PIKFYVE: variants seen among roughly 807,000 people sequenced by gnomAD.
PIKFYVE encodes the protein 1-phosphatidylinositol 3-phosphate 5-kinase.
Under a neutral mutation model 257.9 loss-of-function variants are expected in PIKFYVE, and 122 were observed. That is an observed-to-expected ratio of 0.47 (90% CI 0.41 to 0.55). PIKFYVE has a LOEUF of 0.55. Ranked by LOEUF, PIKFYVE falls within the 20% of genes least tolerant of loss-of-function variation. The probability of loss-of-function intolerance (pLI) is 0.00; values close to 1 mark genes in which losing one functional copy is unlikely to be tolerated. For synonymous variants in PIKFYVE, 892 were observed against 868.9 expected (o/e 1.03, Z -0.47); for missense variants, 2,160 against 2,536.6 (o/e 0.85, Z 3.19).
At chr2:208,338,466 T>C in intron 28 of PIKFYVE, 42 bp from the exon 29 acceptor site, 3 of 1,594,084 alleles carry the variant, frequency 1.9e-6, no homozygotes, top group Non-Finnish European at 2.6e-6. Flanking sequence ...TGAATGTGAT[T>C]TTCATGTTTT....
chr2:208,326,817 TAGC>T (rs965634283), intron 20 of PIKFYVE, among the ~76,000 whole-genome samples: 3 of 152,206 alleles, frequency 2.0e-5, no homozygotes, highest in African/African-American at 4.8e-5. Context: ...TTAAAAAAGT[TAGC>T]AGCAAATATA....
Position 208,285,939 on chromosome 2 carries a change from G to GT in PIKFYVE, c.821+7dup. On this transcript the variant is annotated splice_region_variant and intron_variant, in intron 6 of 41. Transcript: ENST00000264380. ...GATGATTTGGCCTGGCAAAGGTATT[G>GT]TCCCTTAAATATAATTTTATTTAGA... The GT allele has an allele frequency of 3.1e-6, 5 of 1,611,708 alleles. No homozygotes were observed. Among genetic ancestry groups the GT allele is most frequent in the Non-Finnish European group, 4.2e-6 (5 of 1,178,038 alleles).
At chr2:208,335,711 A>T (rs1015133863) in intron 25 of PIKFYVE, 82 bp from the exon 26 acceptor site, 1 of 1,097,730 alleles carries the variant, frequency 9.1e-7, no homozygotes, top group Non-Finnish European at 1.4e-6. Flanking sequence ...TACATTTTGC[A>T]TGTAGCTTTT....
Position 208,320,345 on chromosome 2 carries a change from C to G in PIKFYVE, c.2176C>G (p.Pro726Ala), listed in dbSNP as rs1360184570. The G allele has an allele frequency of 6.2e-7, 1 of 1,612,022 alleles. No individual in the cohort carries two copies. The highest frequency in any genetic ancestry group is 8.5e-7 in the Non-Finnish European group (1 of 1,178,600). Residue 726 changes from proline to alanine, a missense_variant, in exon 17 of 42, where the codon CCT becomes GCT. Around this residue, in one of 12 missense-constraint regions of PIKFYVE, gnomAD observed 346 missense variants for 365.6 expected, o/e 0.95. Transcript: ENST00000264380. ...REETKFTCID[P>A]IVLQEREFLK... is the part of the protein sequence containing the mutation. Reference sequence around the variant, plus strand: ...AGAAACTAAGTTTACTTGCATTGATCCTATTGTGCTTCAGGTAAGAATTTA... The same window carrying G: ...AGAAACTAAGTTTACTTGCATTGATGCTATTGTGCTTCAGGTAAGAATTTA...
intron 21 of PIKFYVE, among the ~76,000 whole-genome samples, chr2:208,329,113 C>T (rs1697241967): frequency 6.6e-6 from 1 of 152,162 alleles, no homozygotes; most frequent in South Asian, 2.1e-4. Flanking sequence ...AAAAACCTCA[C>T]ACAGACATAC....
At chr2:208,266,914 T>G (rs73983727) in intron 1 of PIKFYVE, among the ~76,000 whole-genome samples, 7,339 of 152,302 alleles carry the variant, frequency 0.048, 524 homozygotes, top group African/African-American at 0.15. Flanking sequence ...AACTTAGGTT[T>G]TGGAGTTTCT....
intron 32 of PIKFYVE, among the ~76,000 whole-genome samples, chr2:208,343,890 G>A (rs916994685): frequency 6.6e-6 from 1 of 151,380 alleles, no homozygotes; most frequent in Admixed American, 6.6e-5. Context: ...GGAGTGCAGT[G>A]GTGTGATCTC....
intron 12 of PIKFYVE, 46 bp from the exon 13 acceptor site, chr2:208,312,190 T>C (rs1412855178): frequency 7.5e-7 from 1 of 1,341,556 alleles, no homozygotes; most frequent in Admixed American, 1.7e-5. Flanking sequence ...TATAGTCATA[T>C]GTCTCTACTT....
At chr2:208,270,871 T>C (rs931983460) in intron 1 of PIKFYVE, among the ~76,000 whole-genome samples, 6 of 151,814 alleles carry the variant, frequency 4.0e-5, no homozygotes, top group Non-Finnish European at 7.4e-5. Context: ...CCATCTCTAC[T>C]GAAAATACAA....
intron 13 of PIKFYVE, 104 bp downstream of exon 13, chr2:208,312,399 A>AT: frequency 2.3e-6 from 2 of 865,866 alleles, no homozygotes; most frequent in Non-Finnish European, 3.8e-6. Context: ...CTGAAAATAT[A>AT]TTTGATTATG....
At chr2:208,268,270 A>C (rs1046949819) in intron 1 of PIKFYVE, among the ~76,000 whole-genome samples, 2 of 152,152 alleles carry the variant, frequency 1.3e-5, no homozygotes. Flanking sequence ...AGCCGAGTAT[A>C]ATTTTTGTGT....
intron 1 of PIKFYVE, among the ~76,000 whole-genome samples, chr2:208,270,163 T>C (rs1689230286): frequency 6.7e-6 from 1 of 149,564 alleles, no homozygotes; most frequent in South Asian, 2.2e-4. Context: ...TGCCTCAGCC[T>C]CCTGAGTAGC....
chr2:208,281,939 C>T (rs1478182225), intron 5 of PIKFYVE, among the ~76,000 whole-genome samples: 1 of 152,208 alleles, frequency 6.6e-6, no homozygotes. Context: ...ATAAGGATTT[C>T]TTTCAAGGAA....
rs566363430 is a variant in PIKFYVE, at chr2:208,317,800, C to T, written c.2008-67C>T. 190 of 1,369,226 alleles carry T rather than the reference C, an allele frequency of 1.4e-4. No individual in the cohort carries two copies. The African/African-American group carries it at 2.1e-3, about 15-fold the overall frequency. 84.8% of individuals were successfully genotyped at this position (1,369,226 alleles called of 1,614,324 possible). On this transcript the variant is annotated intron_variant, in intron 15 of 41. Transcript: ENST00000264380. ...TAAAAAAAATGGAAAGAAATAATAG[C>T]GTACATCTAACTAGATTCTAAGCAT...
intron 8 of PIKFYVE, 143 bp downstream of exon 8, chr2:208,298,922 A>G: frequency 9.6e-7 from 1 of 1,045,092 alleles, no homozygotes; most frequent in Non-Finnish European, 1.4e-6. Flanking sequence ...GGCTCCCTGC[A>G]ACCTCTGCCT....
intron 12 of PIKFYVE, among the ~76,000 whole-genome samples, chr2:208,311,162 T>C (rs1694893543): frequency 6.6e-6 from 1 of 152,092 alleles, no homozygotes; most frequent in South Asian, 2.1e-4. Context: ...ATTTCTGGAG[T>C]CTCATATAGA....
intron 3 of PIKFYVE, among the ~76,000 whole-genome samples, chr2:208,275,783 C>T (rs1690027477): frequency 6.6e-6 from 1 of 152,090 alleles, no homozygotes. Context: ...GTTTACTTTG[C>T]CATAGGTTAT....
intron 2 of PIKFYVE, among the ~76,000 whole-genome samples, chr2:208,273,329 G>A (rs1689673393): frequency 6.6e-6 from 1 of 152,092 alleles, no homozygotes; most frequent in Non-Finnish European, 1.5e-5. Context: ...TGGGCACAGT[G>A]GCCTGTGCCT....
rs1689430651 is a variant in PIKFYVE at position 208,271,602 on chromosome 2, C to T, written c.83C>T (p.Thr28Ile). The T allele has an allele frequency of 1.9e-6, 3 of 1,614,026 alleles. No homozygotes were observed. The highest frequency in any genetic ancestry group is 2.7e-5 in the African/African-American group (2 of 75,050). Residue 28 changes from threonine (T) to isoleucine (I), a missense_variant, in exon 2 of 42, where the codon ACA (threonine) becomes ATA (isoleucine). Thr to Ile is a moderately conservative substitution (Grantham distance 89). This residue lies in a region of PIKFYVE where 172 missense variants were observed against 180.6 expected (regional missense o/e 0.95). Transcript: ENST00000264380. ...TCTCCTACTAGTCCTTCTCATCTCA[C>T]ACACTTTAAACCTTTGACTCCTGAT... ...PRSPTSPSHLTHFKPLTPDQD... is the reference protein window; with the variant it reads ...PRSPTSPSHLIHFKPLTPDQD...
Sources: gnomAD v4.1 joint callset for allele counts (sites outside exome capture counted in the v4.1 genomes callset) on GRCh38, gnomAD v4.1.1 for gene constraint, gnomAD v4.1.1 regional missense constraint, MANE v1.5 for transcripts, NCBI Gene and HGNC (gene_info 2026-07-23, HGNC 2026-07-21) for gene names.